MTMR12: variants seen among roughly 807,000 people sequenced by gnomAD.
MTMR12 encodes the protein myotubularin-related protein 12.
In MTMR12, 33 loss-of-function variants were observed where a neutral mutation model predicts 96.7. The observed-to-expected ratio is 0.34, with a 90% confidence interval of 0.26 to 0.46. The LOEUF (loss-of-function observed/expected upper bound fraction) is 0.46. Among genes scored for constraint, MTMR12 ranks in the 20% least tolerant of loss-of-function variants. The pLI is 1.00. For synonymous variants in MTMR12, 298 were observed against 327.2 expected (o/e 0.91, Z 0.96); for missense variants, 721 against 896.1 (o/e 0.80, Z 2.49).
At chr5:32,300,707 A>G (rs1386531926) in intron 1 of MTMR12, among the ~76,000 whole-genome samples, 1 of 152,020 alleles carries the variant, frequency 6.6e-6, no homozygotes, top group African/African-American at 2.4e-5. Context: ...TTCAGCAGGT[A>G]GCAGAAAGTG....
chr5:32,300,165 C>T lies in MTMR12; in HGVS notation c.81+12593G>A, dbSNP rs139934615. On this transcript the variant is annotated intron_variant, in intron 1 of 15. Coordinates refer to ENST00000382142, the MANE Select transcript of MTMR12 (RefSeq NM_001040446.3). ...AATAGTGCTTAGCAAATGGTAGATACATAAAAATGTTGCTTAAATAACAAA... is the reference window on the plus strand; with the variant it reads ...AATAGTGCTTAGCAAATGGTAGATATATAAAAATGTTGCTTAAATAACAAA... Among the ~76,000 whole-genome samples, 388 of 152,258 alleles carry T rather than the reference C, an allele frequency of 2.5e-3. 1 individual carries two copies. The highest frequency in any genetic ancestry group is 8.9e-3 in the African/African-American group (368 of 41,538).
intron 1 of MTMR12, among the ~76,000 whole-genome samples, chr5:32,304,304 A>T (rs546298882): frequency 6.6e-6 from 1 of 152,066 alleles, no homozygotes; most frequent in African/African-American, 2.4e-5. Context: ...TGGGAGACAG[A>T]GTGAGACTCC....
In MTMR12 at chr5:32,312,614, G is replaced by A. The variant is rs1434748000; in HGVS notation, c.81+144C>T. 8 of 710,234 alleles carry A rather than the reference G, an allele frequency of 1.1e-5. No individual in the cohort carries two copies. The East Asian group carries it at 2.7e-4, about 24-fold the overall frequency. 44.0% of individuals were successfully genotyped at this position (710,234 alleles called of 1,614,324 possible). On this transcript the variant is annotated intron_variant, in intron 1 of 15. Coordinates refer to ENST00000382142, the MANE Select transcript of MTMR12 (RefSeq NM_001040446.3). This position sits in a 1 kb window ranked among gnomAD's most constrained non-coding sequence, Gnocchi z 5.0. The stretch of plus-strand genomic sequence containing the variant: ...CGCGGAGGCCCCAGCGCGCTCCTGC[G>A]GCCTCAGCCCGCCTGGCTGCCCCGT...
chr5:32,291,794 T>C (rs575776674), intron 1 of MTMR12, among the ~76,000 whole-genome samples: 57 of 152,334 alleles, frequency 3.7e-4, no homozygotes, highest in African/African-American at 1.3e-3. Context: ...TGACCAACAC[T>C]GAGCCCTCGA....
intron 1 of MTMR12, 131 bp from the exon 2 acceptor site, chr5:32,276,873 C>CTTTTTTTTTTTTTTTTT (rs779455702): frequency 8.8e-6 from 1 of 113,162 alleles, no homozygotes; most frequent in African/African-American, 6.4e-5. Flanking sequence ...TTACAAGCTA[C>CTTTTTTTTTTTTTTTTT]TTTTTTTTTT....
intron 1 of MTMR12, among the ~76,000 whole-genome samples, chr5:32,300,310 AG>A (rs1751089615): frequency 6.6e-6 from 1 of 152,180 alleles, no homozygotes; most frequent in South Asian, 2.1e-4. Flanking sequence ...ATCAGCCTGC[AG>A]GGAAGACACC....
intron 10 of MTMR12, among the ~76,000 whole-genome samples, chr5:32,244,803 C>T (rs780939484): frequency 3.3e-5 from 5 of 152,018 alleles, no homozygotes; most frequent in Admixed American, 6.6e-5. Flanking sequence ...TTATCACCAA[C>T]GACTAGCATA....
intron 7 of MTMR12, among the ~76,000 whole-genome samples, chr5:32,261,279 T>A (rs762359668): frequency 1.3e-5 from 2 of 151,928 alleles, no homozygotes; most frequent in African/African-American, 2.4e-5. Flanking sequence ...TCAGCCTCCC[T>A]CTCACTGTCC....
At position 32,228,607 on chromosome 5, in the gene MTMR12, T is replaced by TATATGTGATATATATATATATATCA. The variant is rs1554053440; in HGVS notation, c.*1170_*1171insTGATATATATATATATATCACATAT. On this transcript the variant is annotated 3_prime_UTR_variant, in exon 16 of 16. Transcript: ENST00000382142. ...TATATATGTGATATATATATATATA[T>TATATGTGATATATATATATATATCA]CATATATATGATATATATATATCAC... is the stretch of plus-strand genomic sequence containing the variant. 1.7e-5 allele frequency: 2 copies of TATATGTGATATATATATATATATCA among 117,350 alleles called. No individual in the cohort carries two copies. Among genetic ancestry groups the TATATGTGATATATATATATATATCA allele is most frequent in the East Asian group, 2.5e-4 (1 of 3,924 alleles). The allele number at this position is 117,350 out of a possible 1,614,324, so 7.3% of individuals were successfully genotyped here. A position where few individuals can be genotyped will look rare whatever the true frequency, so the allele number is the denominator to read the frequency against.
chr5:32,246,554 C>T (rs142627631), intron 10 of MTMR12, among the ~76,000 whole-genome samples: 2 of 152,284 alleles, frequency 1.3e-5, no homozygotes, highest in South Asian at 2.1e-4. Context: ...CTTCTGCTGT[C>T]GGTCCTCTTC....
chr5:32,289,305 T>C (rs959024199), intron 1 of MTMR12, among the ~76,000 whole-genome samples: 2 of 152,124 alleles, frequency 1.3e-5, no homozygotes, highest in Non-Finnish European at 2.9e-5. Flanking sequence ...AAAAGACTAG[T>C]TTGAATTATA....
intron 8 of MTMR12, among the ~76,000 whole-genome samples, chr5:32,253,843 C>T (rs1581604496): frequency 1.3e-5 from 2 of 152,210 alleles, no homozygotes; most frequent in Admixed American, 1.3e-4. Flanking sequence ...AGGCTGATCT[C>T]AAACTCCCGG....
chr5:32,227,405 T>C lies in MTMR12; in HGVS notation c.*2373A>G, dbSNP rs1392778584. 6.6e-6 allele frequency: 1 copy of C among 152,620 alleles called. No homozygotes were observed. The highest frequency in any genetic ancestry group is 1.5e-5 in the Non-Finnish European group (1 of 68,038). 9.5% of individuals were successfully genotyped at this position (152,620 alleles called of 1,614,324 possible). A position where few individuals can be genotyped will look rare whatever the true frequency, so the allele number is the denominator to read the frequency against. The stretch of plus-strand genomic sequence containing the variant: ...CGAGTTATAGAAATCTGATTTCAAA[T>C]ATAAATACAAAAATTGTCATGACCT... On this transcript the variant is annotated 3_prime_UTR_variant, in exon 16 of 16. Coordinates refer to ENST00000382142, the MANE Select transcript of MTMR12 (RefSeq NM_001040446.3).
Position 32,230,082 on chromosome 5 carries a change from A to C in MTMR12, c.1940T>G (p.Ile647Ser), listed in dbSNP as rs1747933408. The change falls in exon 16 of 16, where the codon ATT becomes AGT. Residue 647 changes from isoleucine to serine, a missense_variant. Physicochemically the swap from Ile to Ser is moderately radical, Grantham distance 142 (BLOSUM62 -2). Coordinates refer to ENST00000382142, the MANE Select transcript of MTMR12 (RefSeq NM_001040446.3). ...KVWAQRYLRW[I>S]PEAQILGGGQ... ...ACCACCTAGGATTTGGGCTTCTGGA[A>C]TCCAACGTAGGTAGCGCTGGGCCCA... 1 of 1,612,880 alleles carries C rather than the reference A, an allele frequency of 6.2e-7. No individual in the cohort carries two copies. The highest frequency in any genetic ancestry group is 1.7e-4 in the Middle Eastern group (1 of 6,050).
chr5:32,247,473 AG>A (rs886962561), intron 10 of MTMR12, among the ~76,000 whole-genome samples: 3 of 152,238 alleles, frequency 2.0e-5, no homozygotes, highest in Non-Finnish European at 4.4e-5. Flanking sequence ...ATGAGGCACC[AG>A]TAGGCAGCCT....
At chr5:32,278,418 A>G (rs1750142574) in intron 1 of MTMR12, among the ~76,000 whole-genome samples, 1 of 152,222 alleles carries the variant, frequency 6.6e-6, no homozygotes, top group Non-Finnish European at 1.5e-5. Context: ...CTGGGTGGGA[A>G]ATTTTCTGAA....
chr5:32,258,268 C>T (rs1749219639), intron 7 of MTMR12, among the ~76,000 whole-genome samples: 1 of 152,186 alleles, frequency 6.6e-6, no homozygotes, highest in African/African-American at 2.4e-5. Context: ...GAATGTTTGC[C>T]TTCTGAAGTT....
intron 6 of MTMR12, among the ~76,000 whole-genome samples, chr5:32,265,647 A>C (rs1245448015): frequency 6.6e-6 from 1 of 152,270 alleles, no homozygotes; most frequent in Non-Finnish European, 1.5e-5. Context: ...CACAAAGATA[A>C]ACTGAATGAA....
chr5:32,286,185 A>G (rs1448928213), intron 1 of MTMR12, among the ~76,000 whole-genome samples: 1 of 152,076 alleles, frequency 6.6e-6, no homozygotes, highest in Non-Finnish European at 1.5e-5. Flanking sequence ...TAAAAAATAT[A>G]AAAATTAGCA....
Sources: gnomAD v4.1 joint callset for allele counts (sites outside exome capture counted in the v4.1 genomes callset) on GRCh38, gnomAD v4.1.1 for gene constraint, Gnocchi (gnomAD v3.1) non-coding constraint, MANE v1.5 for transcripts, NCBI Gene and HGNC (gene_info 2026-07-23, HGNC 2026-07-21) for gene names.